Variants in KLHL20 observed in about 807,000 individuals in gnomAD.
KLHL20 encodes kelch-like protein 20.
In KLHL20, 29 loss-of-function variants were observed where a neutral mutation model predicts 69.5. The observed-to-expected ratio is 0.42, with a 90% confidence interval of 0.31 to 0.57. The LOEUF (loss-of-function observed/expected upper bound fraction) is 0.57, where lower values mean the gene tolerates loss of function less well. Ranked by LOEUF, KLHL20 falls within the 20% of genes least tolerant of loss-of-function variation. KLHL20 has a pLI of 0.18. For synonymous variants in KLHL20, 253 were observed against 265.2 expected, an observed-to-expected ratio of 0.95 and a Z score of 0.45; for missense variants, 419 against 776.0, an observed-to-expected ratio of 0.54 and a Z score of 5.47.
chr1:173,783,401 G>T (rs1354131180), intron 11 of KLHL20, among the ~76,000 whole-genome samples: 1 of 152,136 alleles, frequency 6.6e-6, no homozygotes, highest in Non-Finnish European at 1.5e-5. Flanking sequence ...TATTCTAATA[G>T]TCTATCTCTA....
At chr1:173,779,165 GA>G (rs1355207999) in intron 10 of KLHL20, among the ~76,000 whole-genome samples, 1 of 151,986 alleles carries the variant, frequency 6.6e-6, no homozygotes, top group Non-Finnish European at 1.5e-5. Context: ...TTTGTTTCAA[GA>G]AACTTTTAAT....
intron 2 of KLHL20, among the ~76,000 whole-genome samples, chr1:173,727,208 A>G (rs1427002260): frequency 6.6e-6 from 1 of 151,398 alleles, no homozygotes; most frequent in Non-Finnish European, 1.5e-5. Flanking sequence ...AAAAGAATGA[A>G]AAAAAAAAAC....
intron 2 of KLHL20, among the ~76,000 whole-genome samples, chr1:173,726,103 C>T (rs867422709): frequency 2.0e-5 from 3 of 152,150 alleles, no homozygotes; most frequent in Admixed American, 1.3e-4. Context: ...GATTATATCC[C>T]GCGCCTGGCT....
intron 3 of KLHL20, among the ~76,000 whole-genome samples, chr1:173,749,086 A>G (rs1180253389): frequency 6.6e-6 from 1 of 152,178 alleles, no homozygotes; most frequent in Non-Finnish European, 1.5e-5. Flanking sequence ...GCATGGCTCC[A>G]TGTAGGTGCA....
intron 7 of KLHL20, among the ~76,000 whole-genome samples, chr1:173,762,152 A>G (rs1647350322): frequency 6.6e-6 from 1 of 152,060 alleles, no homozygotes; most frequent in South Asian, 2.1e-4. Flanking sequence ...GAAAAATGCA[A>G]CCCTCCTATC....
At chr1:173,731,553 T>TCA (rs1672280359) in intron 2 of KLHL20, among the ~76,000 whole-genome samples, 1 of 152,200 alleles carries the variant, frequency 6.6e-6, no homozygotes. Context: ...AATGATGATT[T>TCA]CATGTCCTTT....
intron 2 of KLHL20, among the ~76,000 whole-genome samples, chr1:173,719,178 A>G (rs1004274102): frequency 6.6e-6 from 1 of 151,752 alleles, no homozygotes; most frequent in African/African-American, 2.4e-5. Context: ...TTTAATAGTT[A>G]TGTAGTATTC....
chr1:173,729,339 T>C (rs1200149498), intron 2 of KLHL20, among the ~76,000 whole-genome samples: 3 of 152,110 alleles, frequency 2.0e-5, no homozygotes, highest in African/African-American at 4.8e-5. Flanking sequence ...TTCCAATCAA[T>C]AGAAAAAGAA....
intron 8 of KLHL20, among the ~76,000 whole-genome samples, chr1:173,773,723 TGTGTTGCCAGCCGGGCACG>T (rs1648255632): frequency 6.6e-6 from 1 of 152,052 alleles, no homozygotes; most frequent in Non-Finnish European, 1.5e-5. Flanking sequence ...AGAAAGAGCC[TGTGTTGCCAGCCGGGCACG>T]GTCACTCACG....
At chr1:173,782,326 C>T in intron 11 of KLHL20, 96 bp downstream of exon 11, 2 of 842,850 alleles carry the variant, frequency 2.4e-6, no homozygotes, top group Non-Finnish European at 3.9e-6. Context: ...ATGGTCAGTA[C>T]ATTGGAGTAC....
chr1:173,760,291 A>G (rs1673743615), intron 7 of KLHL20, among the ~76,000 whole-genome samples: 1 of 143,710 alleles, frequency 7.0e-6, no homozygotes, highest in South Asian at 2.2e-4. Flanking sequence ...CCTGGAAAAC[A>G]TACTCGGGAG....
At chr1:173,733,103 T>C (rs986747013) in intron 2 of KLHL20, among the ~76,000 whole-genome samples, 5 of 147,128 alleles carry the variant, frequency 3.4e-5, no homozygotes, top group Non-Finnish European at 5.9e-5. Flanking sequence ...TACTGCAGCC[T>C]CTGCCTCCAG....
At chr1:173,742,414 A>G (rs1672845679) in intron 3 of KLHL20, among the ~76,000 whole-genome samples, 1 of 152,148 alleles carries the variant, frequency 6.6e-6, no homozygotes, top group South Asian at 2.1e-4. Flanking sequence ...ACCATAAACA[A>G]GGTCAACAAA....
At position 173,786,457 on chromosome 1, in the gene KLHL20, A is replaced by G. The variant is rs565132221; in HGVS notation, c.*1210A>G. 3 of 152,554 alleles carry G rather than the reference A, an allele frequency of 2.0e-5. No individual in the cohort carries two copies. Among genetic ancestry groups the G allele is most frequent in the Non-Finnish European group, 4.4e-5 (3 of 68,002 alleles). 9.5% of individuals were successfully genotyped at this position (152,554 alleles called of 1,614,324 possible). ...TATTCATAGACAAATTTTTTTCAATATATTTTGCAAGAAAAATCTTTGAAT... is the reference window on the plus strand; with the variant it reads ...TATTCATAGACAAATTTTTTTCAATGTATTTTGCAAGAAAAATCTTTGAAT... On this transcript the variant is annotated 3_prime_UTR_variant, in exon 12 of 12. Coordinates refer to ENST00000209884, the MANE Select transcript of KLHL20 (RefSeq NM_014458.4).
At chr1:173,729,721 C>T (rs1672163723) in intron 2 of KLHL20, among the ~76,000 whole-genome samples, 1 of 152,124 alleles carries the variant, frequency 6.6e-6, no homozygotes, top group African/African-American at 2.4e-5. Context: ...TGGGACGTAT[C>T]TCAAAATAAT....
chr1:173,733,678 T>A, intron 2 of KLHL20, 35 bp from the exon 3 acceptor site: 1 of 1,444,648 alleles, frequency 6.9e-7, no homozygotes, highest in Non-Finnish European at 9.5e-7. Flanking sequence ...ATAATAATAC[T>A]GCCATCTTCT....
At chr1:173,728,388 T>G (rs189110991) in intron 2 of KLHL20, among the ~76,000 whole-genome samples, 325 of 152,196 alleles carry the variant, frequency 2.1e-3, no homozygotes, top group African/African-American at 7.4e-3. Flanking sequence ...CTGCACCAAG[T>G]GGACCTAATA....
At chr1:173,729,207 G>C (rs1672130730) in intron 2 of KLHL20, among the ~76,000 whole-genome samples, 1 of 152,068 alleles carries the variant, frequency 6.6e-6, no homozygotes, top group Non-Finnish European at 1.5e-5. Flanking sequence ...CCAATAACAG[G>C]CTCTGAAATT....
At chr1:173,738,602 C>T (rs1232036206) in intron 3 of KLHL20, among the ~76,000 whole-genome samples, 1 of 152,120 alleles carries the variant, frequency 6.6e-6, no homozygotes, top group African/African-American at 2.4e-5. Context: ...TCAACTTTTC[C>T]TGTTCAGTAT....
Sources: gnomAD v4.1 joint callset for allele counts (sites outside exome capture counted in the v4.1 genomes callset) on GRCh38, gnomAD v4.1.1 for gene constraint, MANE v1.5 for transcripts, NCBI Gene and HGNC (gene_info 2026-07-23, HGNC 2026-07-21) for gene names.